Variants in AGMO observed in about 807,000 individuals in gnomAD.
AGMO encodes the protein alkylglycerol monooxygenase, also known as glyceryl-ether monooxygenase.
Under a neutral mutation model 60.2 loss-of-function variants are expected in AGMO, and 75 were observed. That is an observed-to-expected ratio of 1.25 (90% CI 1.03 to 1.51). The LOEUF (loss-of-function observed/expected upper bound fraction) is 1.51. AGMO is among the 40% of genes most tolerant of loss of function. The pLI is 0.00. For missense variants in AGMO, 763 were observed against 525.5 expected (o/e 1.45, Z -4.42); for synonymous variants, 261 against 177.1 (o/e 1.47, Z -3.76).
Position 15,444,064 on chromosome 7 carries a change from T to C in AGMO, c.410-12956A>G, listed in dbSNP as rs542606551. Among the ~76,000 whole-genome samples the C allele has an allele frequency of 1.8e-3, 280 of 152,328 alleles. 2 individuals are homozygous for C. The highest frequency in any genetic ancestry group is 3.5e-3 in the Non-Finnish European group (236 of 68,036). On this transcript the variant is annotated intron_variant, in intron 3 of 12. Coordinates refer to ENST00000342526, the MANE Select transcript of AGMO (RefSeq NM_001004320.2). ...CTCTACTATTTTGTATCCACCACTA[T>C]TTCATAAGCTTCTTAATGAGAGGGA...
intron 12 of AGMO, among the ~76,000 whole-genome samples, chr7:15,247,459 C>CACAG (rs139642069): frequency 3.3e-4 from 38 of 115,282 alleles, no homozygotes; most frequent in South Asian, 6.5e-4. Flanking sequence ...CACACACACA[C>CACAG]AGAGAGAGAG....
intron 3 of AGMO, among the ~76,000 whole-genome samples, chr7:15,461,651 G>C (rs906702234): frequency 2.6e-5 from 4 of 151,980 alleles, no homozygotes; most frequent in Admixed American, 6.6e-5. Context: ...CATGTCTTTT[G>C]GTATTTGTTG....
At chr7:15,483,856 G>A (rs975550799) in intron 3 of AGMO, among the ~76,000 whole-genome samples, 2 of 151,738 alleles carry the variant, frequency 1.3e-5, no homozygotes, top group African/African-American at 4.8e-5. Context: ...AAAGATTCAG[G>A]GGACCATTCC....
the AGMO span, among the ~76,000 whole-genome samples, chr7:15,148,993 A>T: frequency 6.6e-6 from 1 of 152,082 alleles, no homozygotes; most frequent in Non-Finnish European, 1.5e-5. Flanking sequence ...TTATTTTCTG[A>T]CTTTTTAATC....
intron 12 of AGMO, among the ~76,000 whole-genome samples, chr7:15,208,561 T>C (rs937808091): frequency 6.6e-6 from 1 of 152,226 alleles, no homozygotes. Flanking sequence ...GTGAACATTA[T>C]ACCTAGCTTG....
chr7:15,251,344 A>C (rs1227306468), intron 12 of AGMO, among the ~76,000 whole-genome samples: 1 of 152,172 alleles, frequency 6.6e-6, no homozygotes, highest in African/African-American at 2.4e-5. Context: ...GGAAAGTAAA[A>C]ACTGTCCTGG....
At chr7:15,357,774 A>C (rs1227660775) in intron 12 of AGMO, among the ~76,000 whole-genome samples, 5 of 152,230 alleles carry the variant, frequency 3.3e-5, no homozygotes, top group African/African-American at 2.4e-5. Context: ...TGAGCTGATT[A>C]TGTGGAATAC....
chr7:15,467,569 G>A (rs532072535), intron 3 of AGMO, among the ~76,000 whole-genome samples: 198 of 152,178 alleles, frequency 1.3e-3, no homozygotes, highest in African/African-American at 4.3e-3. Context: ...AAGGTGCATG[G>A]GAATTTAATA....
chr7:15,241,459 C>CAACAAAAAA (rs1397699834), intron 12 of AGMO, among the ~76,000 whole-genome samples: 1 of 51,358 alleles, frequency 1.9e-5, no homozygotes, highest in Non-Finnish European at 3.7e-5. Context: ...GACTCCGTCT[C>CAACAAAAAA]AAAAAAAAAA....
chr7:15,177,033 G>A, the AGMO span, among the ~76,000 whole-genome samples: 11 of 151,962 alleles, frequency 7.2e-5, no homozygotes, highest in Non-Finnish European at 1.6e-4. Flanking sequence ...GTCTTGTGAA[G>A]ATATTTTTTA....
intron 12 of AGMO, among the ~76,000 whole-genome samples, chr7:15,213,147 A>G (rs560604785): frequency 2.1e-4 from 32 of 152,008 alleles, no homozygotes; most frequent in Non-Finnish European, 4.3e-4. Flanking sequence ...AAGTATAAAT[A>G]AAAATTCTAT....
rs529405611 is a variant in AGMO, at chr7:15,541,283, T to G, written c.409+3489A>C. 2.8e-3 allele frequency among the ~76,000 whole-genome samples: 421 copies of G among 152,052 alleles called. 4 individuals are homozygous for G. The highest frequency in any genetic ancestry group is 9.4e-3 in the African/African-American group (391 of 41,524). On this transcript the variant is annotated intron_variant, in intron 3 of 12. Transcript: ENST00000342526. ...GATTACAGGCGTGGGCCACCACACC[T>G]GCTAATTTTTGTATTTTTAGTAGAG...
intron 12 of AGMO, among the ~76,000 whole-genome samples, chr7:15,272,988 T>C (rs1389928384): frequency 1.3e-5 from 2 of 152,186 alleles, no homozygotes; most frequent in Admixed American, 1.3e-4. Flanking sequence ...GGTTGTTTTT[T>C]TCTTGTAAAT....
chr7:15,251,211 A>G (rs1021323838), intron 12 of AGMO, among the ~76,000 whole-genome samples: 1 of 151,952 alleles, frequency 6.6e-6, no homozygotes, highest in African/African-American at 2.4e-5. Context: ...TTCTTTGTCC[A>G]TAGCTCACAA....
intron 3 of AGMO, among the ~76,000 whole-genome samples, chr7:15,519,827 G>A (rs185471854): frequency 6.6e-6 from 1 of 151,860 alleles, no homozygotes; most frequent in Non-Finnish European, 1.5e-5. Context: ...AAATATAAAT[G>A]GAACAAATGC....
At chr7:15,313,584 T>C (rs1001887429) in intron 12 of AGMO, among the ~76,000 whole-genome samples, 1 of 152,010 alleles carries the variant, frequency 6.6e-6, no homozygotes, top group African/African-American at 2.4e-5. Context: ...AGTAAAGAAA[T>C]TGCTTCATGA....
At chr7:15,410,775 C>T (rs905902610) in intron 5 of AGMO, among the ~76,000 whole-genome samples, 3 of 151,802 alleles carry the variant, frequency 2.0e-5, no homozygotes, top group African/African-American at 7.3e-5. Context: ...GATTAAATTG[C>T]CTGAGTTCAA....
chr7:15,235,649 C>G (rs1363333209), intron 12 of AGMO, among the ~76,000 whole-genome samples: 1 of 151,986 alleles, frequency 6.6e-6, no homozygotes, highest in Non-Finnish European at 1.5e-5. Context: ...GAAAATAGAT[C>G]CTAAAGAAAG....
intron 12 of AGMO, among the ~76,000 whole-genome samples, chr7:15,355,607 C>A (rs1179673906): frequency 1.3e-5 from 2 of 151,900 alleles, no homozygotes; most frequent in Non-Finnish European, 2.9e-5. Flanking sequence ...ATAACCCTCC[C>A]CAGGAGTTGT....
Sources: allele counts gnomAD v4.1 joint callset (sites outside exome capture counted in the v4.1 genomes callset), GRCh38; gene constraint gnomAD v4.1.1; transcripts MANE v1.5; gene names NCBI Gene and HGNC (gene_info 2026-07-23, HGNC 2026-07-21).